The following MICAL3 variants were observed in gnomAD, a reference collection of about 807,000 sequenced individuals.
The protein encoded by MICAL3 is microtubule associated monooxygenase, calponin and LIM domain containing 3.
In MICAL3, 62 loss-of-function variants were observed where a neutral mutation model predicts 207.4. The ratio of observed to expected loss-of-function variants is 0.30; its 90% CI spans 0.24 to 0.37. The LOEUF (loss-of-function observed/expected upper bound fraction) is 0.37, where lower values mean the gene tolerates loss of function less well. MICAL3 is among the 10% of genes least tolerant of loss of function. MICAL3 has a pLI of 1.00. For missense variants in MICAL3, 2,368 were observed against 2,635.6 expected (o/e 0.90, Z 2.22); for synonymous variants, 1,077 against 1,069.3 (o/e 1.01, Z -0.14).
chr22:17,937,302 T>C (rs1301907363), intron 1 of MICAL3, among the ~76,000 whole-genome samples: 1 of 152,220 alleles, frequency 6.6e-6, no homozygotes, highest in African/African-American at 2.4e-5. Flanking sequence ...TCCAAGGATG[T>C]TATTTTAAAT....
intron 1 of MICAL3, among the ~76,000 whole-genome samples, chr22:17,954,701 G>C (rs1934526337): frequency 6.6e-6 from 1 of 151,682 alleles, no homozygotes; most frequent in African/African-American, 2.4e-5. Flanking sequence ...TCTCAGTGTG[G>C]TTAAGGGCAG....
rs2061801359 is a variant in MICAL3, at chr22:17,788,163, T to C, written c.*2569A>G. On this transcript the variant is annotated 3_prime_UTR_variant, in exon 32 of 32. Coordinates refer to ENST00000441493, the MANE Select transcript of MICAL3 (RefSeq NM_015241.3). Reference sequence around the variant, plus strand: ...CAGAGTACTCAAGTCAACCGCAAACTAGTGGTTACAAAATGGGAGCTTTAA... The same window carrying C: ...CAGAGTACTCAAGTCAACCGCAAACCAGTGGTTACAAAATGGGAGCTTTAA... The C allele has an allele frequency of 1.3e-5, 2 of 152,256 alleles. No homozygotes were observed. Among genetic ancestry groups the C allele is most frequent in the African/African-American group, 4.8e-5 (2 of 41,464 alleles). The allele number at this position is 152,256 out of a possible 1,614,324, so 9.4% of individuals were successfully genotyped here. A position where few individuals can be genotyped will look rare whatever the true frequency, so the allele number is the denominator to read the frequency against.
chr22:18,022,025 A>G (rs1226956460), intron 1 of MICAL3, among the ~76,000 whole-genome samples: 1 of 152,074 alleles, frequency 6.6e-6, no homozygotes, highest in Non-Finnish European at 1.5e-5. Flanking sequence ...GGTAGATCAC[A>G]TTTTCTAGTT....
intron 1 of MICAL3, among the ~76,000 whole-genome samples, chr22:17,986,707 T>C (rs1602353268): frequency 6.6e-6 from 1 of 152,288 alleles, no homozygotes; most frequent in South Asian, 2.1e-4. Context: ...AATGCCCAGA[T>C]TTCTTTCCCA....
intron 19 of MICAL3, among the ~76,000 whole-genome samples, chr22:17,853,074 CAA>C (rs35015407): frequency 1.9e-4 from 22 of 112,920 alleles, no homozygotes; most frequent in Admixed American, 2.8e-4. Context: ...GACTCCATCT[CAA>C]AAAAAAAAAA....
At position 17,974,295 on chromosome 22, in the gene MICAL3, T is replaced by C. The variant is rs76765906; in HGVS notation, c.-75+49986A>G. On this transcript the variant is annotated intron_variant, in intron 1 of 31. Coordinates refer to ENST00000441493, the MANE Select transcript of MICAL3 (RefSeq NM_015241.3). Reference sequence around the variant, plus strand: ...GGGGACTGCTGTGAGAAGTAAGTGATGGTATGTACAGCAGAGCCTATGCTG... The same window carrying C: ...GGGGACTGCTGTGAGAAGTAAGTGACGGTATGTACAGCAGAGCCTATGCTG... Among the ~76,000 whole-genome samples, 913 of 152,308 alleles carry C rather than the reference T, an allele frequency of 6.0e-3. 9 individuals carry two copies. Among genetic ancestry groups the C allele is most frequent in the African/African-American group, 0.018 (757 of 41,566 alleles).
intron 21 of MICAL3, among the ~76,000 whole-genome samples, chr22:17,828,884 CCAGA>C (rs1922487246): frequency 6.6e-6 from 1 of 152,198 alleles, no homozygotes; most frequent in Admixed American, 6.5e-5. Flanking sequence ...CTGAGTCTAA[CCAGA>C]CAATCTGGCC....
rs756960709 is a variant in MICAL3, at chr22:17,790,825, C to T, written c.5916G>A (p.Ala1972=). The T allele has an allele frequency of 3.2e-5, 51 of 1,613,666 alleles. No individual in the cohort carries two copies. The highest frequency in any genetic ancestry group is 2.2e-4 in the East Asian group (10 of 44,880). ...EVVEQRDSLV[A]LLEEQRLRER... ...CCCGGAGCCGCTGCTCCTCCAGCAG[C>T]GCCACCAGTGAGTCTCTCTGCTCCA... The change falls in exon 32 of 32, where the codon GCG becomes GCA. Residue 1972 remains alanine (A), a synonymous_variant. Transcript: ENST00000441493.
chr22:17,951,741 AG>A (rs1043851390), intron 1 of MICAL3, among the ~76,000 whole-genome samples: 1 of 151,590 alleles, frequency 6.6e-6, no homozygotes, highest in Non-Finnish European at 1.5e-5. Flanking sequence ...CAGGCATCCA[AG>A]CTTGAGTGCA....
At chr22:17,994,438 A>T (rs561531088) in intron 1 of MICAL3, among the ~76,000 whole-genome samples, 1 of 152,338 alleles carries the variant, frequency 6.6e-6, no homozygotes, top group East Asian at 1.9e-4. Flanking sequence ...AACAGAAAAG[A>T]GACAGAGGGC....
chr22:17,814,490 T>A (rs1008778205), intron 27 of MICAL3: 1 of 152,248 alleles, frequency 6.6e-6, no homozygotes, highest in Non-Finnish European at 1.5e-5. Flanking sequence ...TTGATAATAT[T>A]ACACATTTAT....
chr22:17,990,628 C>T (rs1196826660), intron 1 of MICAL3, among the ~76,000 whole-genome samples: 4 of 152,168 alleles, frequency 2.6e-5, no homozygotes, highest in Non-Finnish European at 5.9e-5. Flanking sequence ...GTTCCAGAGT[C>T]CAAACTCTTA....
At chr22:17,825,941 G>A (rs1052112138) in intron 22 of MICAL3, among the ~76,000 whole-genome samples, 5 of 152,114 alleles carry the variant, frequency 3.3e-5, no homozygotes, top group Non-Finnish European at 7.4e-5. Flanking sequence ...GATTTGACTG[G>A]TGTCACCCCT....
chr22:17,809,262 C>T (rs1415898963), intron 28 of MICAL3, among the ~76,000 whole-genome samples: 1 of 152,248 alleles, frequency 6.6e-6, no homozygotes, highest in African/African-American at 2.4e-5. Flanking sequence ...GAACCTCAGA[C>T]TGTTCTCACG....
intron 19 of MICAL3, among the ~76,000 whole-genome samples, chr22:17,845,251 A>G (rs1344543294): frequency 1.3e-5 from 2 of 152,200 alleles, no homozygotes; most frequent in Admixed American, 6.5e-5. Flanking sequence ...ACAGCCATCA[A>G]TTCAGAGGGA....
chr22:17,924,711 T>A (rs1173967825), intron 1 of MICAL3, among the ~76,000 whole-genome samples: 1 of 152,200 alleles, frequency 6.6e-6, no homozygotes, highest in Non-Finnish European at 1.5e-5. Flanking sequence ...CGTACTTTGT[T>A]AAAGGACCTT....
At chr22:17,825,589 G>C (rs1922092185) in intron 22 of MICAL3, among the ~76,000 whole-genome samples, 1 of 152,200 alleles carries the variant, frequency 6.6e-6, no homozygotes, top group South Asian at 2.1e-4. Flanking sequence ...CTGCCGGGAG[G>C]ACACAGGGAC....
chr22:17,986,603 T>C (rs2146451492), intron 1 of MICAL3, among the ~76,000 whole-genome samples: 1 of 152,236 alleles, frequency 6.6e-6, no homozygotes, highest in African/African-American at 2.4e-5. Flanking sequence ...ACTGAGCATT[T>C]AGTTAAGTCA....
intron 1 of MICAL3, among the ~76,000 whole-genome samples, chr22:17,928,462 A>G (rs948396536): frequency 6.6e-6 from 1 of 151,990 alleles, no homozygotes; most frequent in African/African-American, 2.4e-5. Flanking sequence ...GAAAGAAAGA[A>G]AGAAAGAAAC....
Sources: gnomAD v4.1 joint callset for allele counts (sites outside exome capture counted in the v4.1 genomes callset) on GRCh38, gnomAD v4.1.1 for gene constraint, MANE v1.5 for transcripts, NCBI Gene and HGNC (gene_info 2026-07-23, HGNC 2026-07-21) for gene names.